Variants in MCPH1 observed in about 807,000 individuals in gnomAD.
MCPH1 encodes the protein microcephalin 1, also known as microcephalin.
In MCPH1, 104 loss-of-function variants were observed where a neutral mutation model predicts 84.5. The ratio of observed to expected loss-of-function variants is 1.23; its 90% CI spans 1.05 to 1.45. The LOEUF is 1.45. Among genes scored for constraint, MCPH1 ranks in the 40% most tolerant of loss-of-function variants. The pLI, the probability that MCPH1 is intolerant of heterozygous loss-of-function variation, is 0.00. For synonymous variants in MCPH1, 514 were observed against 366.8 expected, an observed-to-expected ratio of 1.40 and a Z score of -4.58; for missense variants, 1,498 against 1,005.7, an observed-to-expected ratio of 1.49 and a Z score of -6.62.
chr8:6,447,097 A>G, intron 8 of MCPH1: 3 of 985,456 alleles, frequency 3.0e-6, no homozygotes, highest in Non-Finnish European at 3.6e-6. Flanking sequence ...TCATGCCATT[A>G]CAGACAGACG....
chr8:6,616,194 A>G (rs2959799), intron 12 of MCPH1: 62,914 of 152,074 alleles, frequency 0.41, 13,345 homozygotes, highest in African/African-American at 0.51. Flanking sequence ...GTCCTGTATC[A>G]TTGTTGAGAT....
chr8:6,551,497 A>T (rs983359604), intron 12 of MCPH1, among the ~76,000 whole-genome samples: 1 of 152,196 alleles, frequency 6.6e-6, no homozygotes, highest in African/African-American at 2.4e-5. Context: ...AAAATATGCA[A>T]AATTTCACAT....
At chr8:6,588,436 G>A (rs746254334) in intron 12 of MCPH1, among the ~76,000 whole-genome samples, 1 of 152,058 alleles carries the variant, frequency 6.6e-6, no homozygotes, top group Non-Finnish European at 1.5e-5. Context: ...TGATTGCGAG[G>A]AATATTTGCC....
At chr8:6,582,797 G>C (rs1342490932) in intron 12 of MCPH1, among the ~76,000 whole-genome samples, 1 of 152,160 alleles carries the variant, frequency 6.6e-6, no homozygotes, top group Non-Finnish European at 1.5e-5. Flanking sequence ...TTCTAAGACA[G>C]TGTGGTGCCT....
intron 3 of MCPH1, among the ~76,000 whole-genome samples, chr8:6,424,567 T>C (rs1365361819): frequency 1.3e-5 from 2 of 152,232 alleles, no homozygotes; most frequent in African/African-American, 4.8e-5. Context: ...TCACTGGCTT[T>C]TGTGACTTTG....
intron 3 of MCPH1, among the ~76,000 whole-genome samples, chr8:6,419,556 CT>C (rs1234207122): frequency 1.6e-5 from 1 of 60,858 alleles, no homozygotes. Flanking sequence ...CCACACCTGG[CT>C]AATTTTTTTT....
chr8:6,539,639 T>C (rs910075830), intron 12 of MCPH1, among the ~76,000 whole-genome samples: 7 of 152,172 alleles, frequency 4.6e-5, no homozygotes, highest in African/African-American at 1.7e-4. Context: ...CAGGCTGGAG[T>C]GCAGCGGCGT....
At chr8:6,605,159 C>T (rs532741376) in intron 12 of MCPH1, among the ~76,000 whole-genome samples, 14 of 152,138 alleles carry the variant, frequency 9.2e-5, no homozygotes, top group African/African-American at 3.4e-4. Context: ...TGACACCCAG[C>T]CCCGCTCTTG....
chr8:6,557,848 T>C (rs149184416), intron 12 of MCPH1, among the ~76,000 whole-genome samples: 257 of 152,248 alleles, frequency 1.7e-3, no homozygotes, highest in African/African-American at 5.5e-3. Flanking sequence ...ATGCATCCTC[T>C]AGATCTCAAC....
At chr8:6,558,546 T>C (rs1191997804) in intron 12 of MCPH1, among the ~76,000 whole-genome samples, 2 of 152,324 alleles carry the variant, frequency 1.3e-5, no homozygotes, top group African/African-American at 4.8e-5. Flanking sequence ...GGTAACTGGC[T>C]TACAGATAAA....
At chr8:6,613,994 C>A (rs990083297) in intron 12 of MCPH1, among the ~76,000 whole-genome samples, 2 of 152,094 alleles carry the variant, frequency 1.3e-5, no homozygotes, top group African/African-American at 4.8e-5. Flanking sequence ...TCTGGTTTTT[C>A]TAAGGTCCAC....
intron 12 of MCPH1, among the ~76,000 whole-genome samples, chr8:6,505,258 TG>T (rs1277017424): frequency 0.16 from 4,701 of 30,290 alleles, 975 homozygotes; most frequent in East Asian, 0.42. Context: ...TCTTTATATA[TG>T]TTTTATATAT....
chr8:6,425,550 C>A (rs1800927538), intron 3 of MCPH1, among the ~76,000 whole-genome samples: 1 of 152,120 alleles, frequency 6.6e-6, no homozygotes, highest in Admixed American at 6.5e-5. Flanking sequence ...TCAGGGAGAG[C>A]ATCTCTGTGC....
At chr8:6,509,207 T>G (rs1814427279) in intron 12 of MCPH1, 2 of 1,081,348 alleles carry the variant, frequency 1.8e-6, no homozygotes. Flanking sequence ...ACAAAATATT[T>G]TGCACTGGTA....
intron 13 of MCPH1, chr8:6,635,385 C>G (rs778778984): frequency 6.6e-6 from 1 of 151,994 alleles, no homozygotes; most frequent in Admixed American, 6.6e-5. Context: ...ACAGAACAAG[C>G]AATCATGTCA....
At chr8:6,554,960 A>C (rs1164745759) in intron 12 of MCPH1, among the ~76,000 whole-genome samples, 1 of 152,232 alleles carries the variant, frequency 6.6e-6, no homozygotes, top group East Asian at 1.9e-4. Context: ...TATCTAATTA[A>C]AATATTAAAG....
intron 12 of MCPH1, among the ~76,000 whole-genome samples, chr8:6,518,435 C>T (rs529083529): frequency 7.4e-4 from 113 of 152,200 alleles, no homozygotes; most frequent in African/African-American, 2.6e-3. Flanking sequence ...GCTTCTAGGG[C>T]GTTAGGGACA....
At chr8:6,479,189 C>A (rs1808858641) in intron 10 of MCPH1, among the ~76,000 whole-genome samples, 1 of 151,994 alleles carries the variant, frequency 6.6e-6, no homozygotes, top group African/African-American at 2.4e-5. Context: ...ATCACTTGAG[C>A]CCTGGAGATC....
chr8:6,439,039 G>T lies in MCPH1; in HGVS notation c.523G>T (p.Ala175Ser), dbSNP rs370831760. Reference sequence around the variant, plus strand: ...TGAAATTAATAGTAGGCACCACAGCGCAATGGAGAAGAGATTACAAGAGAT... The same window carrying T: ...TGAAATTAATAGTAGGCACCACAGCTCAATGGAGAAGAGATTACAAGAGAT... ...TIEINSRHHSAMEKRLQEMKE... is the reference protein window; with the variant it reads ...TIEINSRHHSSMEKRLQEMKE... Residue 175 changes from alanine to serine, a missense_variant, in exon 6 of 14, where the codon GCA becomes TCA. By Grantham distance (99) the Ala-to-Ser change is moderately conservative. Coordinates refer to ENST00000344683, the MANE Select transcript of MCPH1 (RefSeq NM_024596.5). The T allele has an allele frequency of 2.5e-6, 4 of 1,612,920 alleles. No individual in the cohort carries two copies. The highest frequency in any genetic ancestry group is 1.1e-5 in the South Asian group (1 of 91,048).
Sources: gnomAD v4.1 joint callset for allele counts (sites outside exome capture counted in the v4.1 genomes callset) on GRCh38, gnomAD v4.1.1 for gene constraint, MANE v1.5 for transcripts, NCBI Gene and HGNC (gene_info 2026-07-23, HGNC 2026-07-21) for gene names.